The following NUP205 variants were observed in gnomAD, a reference collection of about 807,000 sequenced individuals.
NUP205 encodes nuclear pore complex protein Nup205.
In NUP205, 76 loss-of-function variants were observed where a neutral mutation model predicts 253.8. The observed-to-expected ratio is 0.30, with a 90% confidence interval of 0.25 to 0.36. The LOEUF is 0.36. Ranked by LOEUF, NUP205 falls within the 10% of genes least tolerant of loss-of-function variation. NUP205 has a pLI of 1.00. For missense variants in NUP205, 2,162 were observed against 2,425.5 expected, an observed-to-expected ratio of 0.89 and a Z score of 2.28; for synonymous variants, 832 against 850.1, an observed-to-expected ratio of 0.98 and a Z score of 0.37.
intron 1 of NUP205, among the ~76,000 whole-genome samples, chr7:135,568,619 C>G (rs1332225399): frequency 6.6e-6 from 1 of 152,094 alleles, no homozygotes; most frequent in Non-Finnish European, 1.5e-5. Flanking sequence ...TAGGTGAGAG[C>G]CAGCCTGAAT....
intron 35 of NUP205, among the ~76,000 whole-genome samples, chr7:135,632,089 GA>G (rs1318036718): frequency 6.6e-6 from 1 of 152,130 alleles, no homozygotes; most frequent in African/African-American, 2.4e-5. Context: ...CTTCCCTCAA[GA>G]AAAAGCATGC....
chr7:135,590,572 T>C (rs1806602679), intron 10 of NUP205, among the ~76,000 whole-genome samples: 1 of 151,708 alleles, frequency 6.6e-6, no homozygotes, highest in Non-Finnish European at 1.5e-5. Flanking sequence ...GAGTCTCTGT[T>C]GCCAGGCTAG....
At position 135,593,146 on chromosome 7, in the gene NUP205, A is replaced by T; in HGVS notation, c.1784A>T (p.Asp595Val). The T allele has an allele frequency of 1.2e-6, 2 of 1,614,102 alleles. No individual in the cohort carries two copies. The highest frequency in any genetic ancestry group is 1.7e-6 in the Non-Finnish European group (2 of 1,179,998). The change falls in exon 12 of 43, where the codon GAT becomes GTT. Residue 595 changes from aspartate (D) to valine (V), a missense_variant. Around this residue, in one of 5 missense-constraint regions of NUP205, gnomAD observed 892 missense variants for 957.1 expected, o/e 0.93. Coordinates refer to ENST00000285968, the MANE Select transcript of NUP205 (RefSeq NM_015135.3). ...PSRGITQKEQDGLIAFLQLTS... is the reference protein window; with the variant it reads ...PSRGITQKEQVGLIAFLQLTS... ...CGTGGCATCACCCAGAAGGAGCAAG[A>T]TGGATTGATTGCTTTTTTGCAGCTC...
chr7:135,645,082 C>T (rs974032427), intron 40 of NUP205, 64 bp downstream of exon 40: 1 of 1,576,832 alleles, frequency 6.3e-7, no homozygotes, highest in Non-Finnish European at 8.6e-7. Flanking sequence ...TTCACTTATT[C>T]TCATATTATT....
intron 35 of NUP205, among the ~76,000 whole-genome samples, chr7:135,631,992 G>A (rs1214199530): frequency 4.6e-5 from 7 of 152,090 alleles, no homozygotes; most frequent in South Asian, 4.2e-4. Flanking sequence ...TAATCTGCCC[G>A]CCTCGGCCTC....
In NUP205 at chr7:135,645,086, T is replaced by A. The variant is rs1794981973; in HGVS notation, c.5683+68T>A. 7 of 1,567,618 alleles carry A rather than the reference T, an allele frequency of 4.5e-6. No homozygotes were observed. The Admixed American group carries it at 1.3e-4, about 29-fold the overall frequency. On this transcript the variant is annotated intron_variant, in intron 40 of 42. Coordinates refer to ENST00000285968, the MANE Select transcript of NUP205 (RefSeq NM_015135.3). ...TATAGGAACTGTTCACTTATTCTCATATTATTTGGGCACCAAAACCAGGTG... is the reference window on the plus strand; with the variant it reads ...TATAGGAACTGTTCACTTATTCTCAAATTATTTGGGCACCAAAACCAGGTG...
At chr7:135,618,262 T>G (rs1794401088) in intron 27 of NUP205, 150 bp from the exon 28 acceptor site, 1 of 656,490 alleles carries the variant, frequency 1.5e-6, no homozygotes, top group African/African-American at 1.8e-5. Context: ...TTAATATTTT[T>G]TATAGCCCTG....
intron 22 of NUP205, chr7:135,613,572 CT>C (rs1379800751): frequency 6.6e-6 from 1 of 150,700 alleles, no homozygotes; most frequent in Non-Finnish European, 1.5e-5. Context: ...GGGTCTTGCC[CT>C]GTCACCAGGC....
intron 1 of NUP205, among the ~76,000 whole-genome samples, chr7:135,568,994 C>T (rs1381501678): frequency 6.6e-6 from 1 of 152,204 alleles, no homozygotes; most frequent in African/African-American, 2.4e-5. Context: ...TTTATCTCCC[C>T]AACTGGTGAG....
intron 25 of NUP205, 61 bp from the exon 26 acceptor site, chr7:135,617,028 TG>T (rs1332957672): frequency 3.1e-6 from 4 of 1,271,322 alleles, no homozygotes; most frequent in Non-Finnish European, 4.4e-6. Context: ...CAACTGAATA[TG>T]ATGGCTTGCC....
At chr7:135,566,381 AC>A (rs1805760110) in intron 1 of NUP205, among the ~76,000 whole-genome samples, 1 of 152,022 alleles carries the variant, frequency 6.6e-6, no homozygotes, top group Admixed American at 6.6e-5. Context: ...ATGAGCCACC[AC>A]CCCTGTCTGC....
chr7:135,645,440 T>A, intron 40 of NUP205, 28 bp from the exon 41 acceptor site: 1 of 1,606,052 alleles, frequency 6.2e-7, no homozygotes, highest in Non-Finnish European at 8.5e-7. Flanking sequence ...GATGAGATTA[T>A]GTTCCTTTAA....
intron 7 of NUP205, 117 bp from the exon 8 acceptor site, chr7:135,584,715 G>A (rs1048743415): frequency 3.0e-5 from 26 of 866,316 alleles, no homozygotes; most frequent in Non-Finnish European, 4.4e-5. Context: ...TTTGTGCATA[G>A]CACATGCTAG....
intron 35 of NUP205, among the ~76,000 whole-genome samples, chr7:135,633,175 G>A (rs1429884290): frequency 1.3e-5 from 2 of 151,932 alleles, no homozygotes; most frequent in Non-Finnish European, 2.9e-5. Context: ...ATGTTGCCCA[G>A]GTGTTCTCGA....
At chr7:135,604,074 G>A (rs571742766) in intron 18 of NUP205, among the ~76,000 whole-genome samples, 23 of 152,256 alleles carry the variant, frequency 1.5e-4, no homozygotes, top group African/African-American at 4.1e-4. Context: ...TAATGACCTC[G>A]TCTGAACTCG....
chr7:135,619,706 A>T lies in NUP205; in HGVS notation c.4231+16A>T, dbSNP rs759495554. 2 of 1,604,280 alleles carry T rather than the reference A, an allele frequency of 1.2e-6. No individual in the cohort carries two copies. The highest frequency in any genetic ancestry group is 1.7e-6 in the Non-Finnish European group (2 of 1,175,144). ...TTGAAGACAGGTTTTTTTCATTTAAATTGTCTATAAATTCTATCTTTTGTA... is the reference window on the plus strand; with the variant it reads ...TTGAAGACAGGTTTTTTTCATTTAATTTGTCTATAAATTCTATCTTTTGTA... On this transcript the variant is annotated intron_variant, in intron 29 of 42. Coordinates refer to ENST00000285968, the MANE Select transcript of NUP205 (RefSeq NM_015135.3).
Position 135,648,340 on chromosome 7 carries a change from A to G in NUP205, c.5887-64A>G, listed in dbSNP as rs190502231. ...ATTCTAAAGTGTTTTAAATTGGAAGACTTAGAATAAAAGAAATATTTGAGA... is the reference window on the plus strand; with the variant it reads ...ATTCTAAAGTGTTTTAAATTGGAAGGCTTAGAATAAAAGAAATATTTGAGA... On this transcript the variant is annotated intron_variant, in intron 42 of 42. Transcript: ENST00000285968. 1.4e-5 allele frequency: 19 copies of G among 1,378,226 alleles called. No homozygotes were observed. The African/African-American group carries it at 2.7e-4, about 20-fold the overall frequency. The allele number at this position is 1,378,226 out of a possible 1,614,324, so 85.4% of individuals were successfully genotyped here. A position where few individuals can be genotyped will look rare whatever the true frequency, so the allele number is the denominator to read the frequency against.
intron 3 of NUP205, among the ~76,000 whole-genome samples, chr7:135,574,065 C>A (rs151120779): frequency 6.6e-6 from 1 of 151,958 alleles, no homozygotes; most frequent in Non-Finnish European, 1.5e-5. Context: ...CTCCACTTAC[C>A]GGGTTCAAGT....
chr7:135,589,272 T>C (rs1473232502), intron 10 of NUP205, among the ~76,000 whole-genome samples: 3 of 150,010 alleles, frequency 2.0e-5, no homozygotes, highest in African/African-American at 2.5e-5. Flanking sequence ...TTTTTTTTTT[T>C]CTGGACTCCA....
Sources: allele counts gnomAD v4.1 joint callset (sites outside exome capture counted in the v4.1 genomes callset), GRCh38; gene constraint gnomAD v4.1.1; regional missense constraint gnomAD v4.1.1; transcripts MANE v1.5; gene names NCBI Gene and HGNC (gene_info 2026-07-23, HGNC 2026-07-21).